Variants in PPP1R12B observed in about 807,000 individuals in gnomAD.
PPP1R12B encodes myosin phosphatase target subunit 2.
PPP1R12B carries 76 observed loss-of-function variants against 126.1 expected under a neutral mutation model. That is an observed-to-expected ratio of 0.60 (90% CI 0.50 to 0.73). PPP1R12B has a LOEUF of 0.73. Ranked by LOEUF, PPP1R12B falls within the 30% of genes least tolerant of loss-of-function variation. PPP1R12B has a pLI of 0.00. For missense variants in PPP1R12B, 1,052 were observed against 1,205.1 expected (o/e 0.87, Z 1.88); for synonymous variants, 356 against 434.7 (o/e 0.82, Z 2.25).
intron 1 of PPP1R12B, among the ~76,000 whole-genome samples, chr1:202,352,264 A>G (rs989959689): frequency 1.3e-5 from 2 of 152,038 alleles, no homozygotes; most frequent in African/African-American, 4.8e-5. Flanking sequence ...TTTTTCTTTT[A>G]TTTATTTATT....
rs573156231 is a variant in PPP1R12B, at chr1:202,469,822, G to A, written c.1851-18711G>A. On this transcript the variant is annotated intron_variant, in intron 13 of 23. Transcript: ENST00000608999. ...ATAAATCTAATTTAGGTCTTTTAGG[G>A]AGTTCTTTCTTTCTAGATCCTTTCC... Among the ~76,000 whole-genome samples, 264 of 152,252 alleles carry A rather than the reference G, an allele frequency of 1.7e-3. 10 individuals are homozygous for A. In the South Asian group the frequency reaches 0.053, roughly 31 times the overall value.
chr1:202,579,015 T>G (rs1477016428), intron 23 of PPP1R12B, among the ~76,000 whole-genome samples: 1 of 152,234 alleles, frequency 6.6e-6, no homozygotes, highest in Non-Finnish European at 1.5e-5. Context: ...GCACTTTTCA[T>G]TTCCCCATTT....
intron 18 of PPP1R12B, among the ~76,000 whole-genome samples, chr1:202,531,664 G>A (rs1683961597): frequency 6.6e-6 from 1 of 152,132 alleles, no homozygotes; most frequent in African/African-American, 2.4e-5. Context: ...CTTCTTAACT[G>A]GTAATACTTG....
rs373987451 is a variant in PPP1R12B at position 202,466,864 on chromosome 1, C to T, written c.1850+17693C>T. The stretch of plus-strand genomic sequence containing the variant: ...AAAGGCAAGAGAAAGTCTTTGTTCT[C>T]ACTTTTTTTTTTAGAAATCTCTGCT... On this transcript the variant is annotated intron_variant, in intron 13 of 23. Coordinates refer to ENST00000608999, the MANE Select transcript of PPP1R12B (RefSeq NM_002481.4). Among the ~76,000 whole-genome samples the T allele has an allele frequency of 6.4e-4, 97 of 152,180 alleles. No individual in the cohort carries two copies. The South Asian group carries it at 0.011, about 18-fold the overall frequency.
chr1:202,556,721 C>T lies in PPP1R12B; in HGVS notation c.2491-2156C>T, dbSNP rs148454916. On this transcript the variant is annotated intron_variant, in intron 18 of 23. Transcript: ENST00000608999. ...ACTTGTTAATTATGTTCACAGTGCT[C>T]TCCTGGTTCTGTCGTGCAACTTGTT... 2.7e-3 allele frequency among the ~76,000 whole-genome samples: 414 copies of T among 152,282 alleles called. 1 individual carries two copies. The highest frequency in any genetic ancestry group is 9.7e-3 in the African/African-American group (404 of 41,526).
rs925247524 is a variant in PPP1R12B, at chr1:202,582,476, C to T, written c.*1916C>T. 1 of 152,606 alleles carries T rather than the reference C, an allele frequency of 6.6e-6. No homozygotes were observed. The highest frequency in any genetic ancestry group is 1.5e-5 in the Non-Finnish European group (1 of 68,032). The allele number at this position is 152,606 out of a possible 1,614,324, so 9.5% of individuals were successfully genotyped here. ...GTGATATTCAGTGTTTAGAGTGGTT[C>T]ATTCCCTTAATATATACTACCTCTG... is the stretch of plus-strand genomic sequence containing the variant. On this transcript the variant is annotated 3_prime_UTR_variant, in exon 24 of 24. Coordinates refer to ENST00000608999, the MANE Select transcript of PPP1R12B (RefSeq NM_002481.4).
At chr1:202,526,029 G>A (rs919794860) in intron 18 of PPP1R12B, among the ~76,000 whole-genome samples, 7 of 152,216 alleles carry the variant, frequency 4.6e-5, no homozygotes, top group African/African-American at 1.2e-4. Flanking sequence ...ATGTTTGCTT[G>A]TGAGAATGAT....
intron 18 of PPP1R12B, 28 bp downstream of exon 18, chr1:202,496,850 T>A: frequency 6.3e-7 from 1 of 1,594,092 alleles, no homozygotes; most frequent in Non-Finnish European, 8.6e-7. Flanking sequence ...GAAGCATGTC[T>A]CTTGAGAGCA....
At chr1:202,428,089 A>G (rs1669784125) in intron 5 of PPP1R12B, among the ~76,000 whole-genome samples, 1 of 151,672 alleles carries the variant, frequency 6.6e-6, no homozygotes, top group African/African-American at 2.4e-5. Context: ...CTCTGTGTTT[A>G]AAGGATTTGG....
At chr1:202,575,228 C>T (rs2149038139) in intron 23 of PPP1R12B, 1 of 1,459,952 alleles carries the variant, frequency 6.8e-7, no homozygotes, top group Non-Finnish European at 9.2e-7. Flanking sequence ...GTGCTCATCC[C>T]CTCCATCCGA....
intron 1 of PPP1R12B, among the ~76,000 whole-genome samples, chr1:202,351,251 A>G (rs1243594137): frequency 6.6e-6 from 1 of 151,730 alleles, no homozygotes. Context: ...TTAAAAAAAA[A>G]AAAAACAGTG....
chr1:202,526,787 G>T (rs1247417946), intron 18 of PPP1R12B, among the ~76,000 whole-genome samples: 3 of 152,178 alleles, frequency 2.0e-5, no homozygotes, highest in African/African-American at 7.2e-5. Context: ...GCAACAAAAA[G>T]TTAGCTGAAG....
chr1:202,524,555 A>G (rs1189373709), intron 18 of PPP1R12B, among the ~76,000 whole-genome samples: 3 of 152,140 alleles, frequency 2.0e-5, no homozygotes, highest in African/African-American at 7.2e-5. Flanking sequence ...AGTCCATTGT[A>G]TCACTGACAC....
chr1:202,363,279 C>T (rs547109105), intron 1 of PPP1R12B, among the ~76,000 whole-genome samples: 15 of 152,336 alleles, frequency 9.8e-5, no homozygotes, highest in African/African-American at 3.1e-4. Context: ...AGGCATCCCA[C>T]AGTTACTGAC....
intron 12 of PPP1R12B, among the ~76,000 whole-genome samples, chr1:202,446,213 A>ACTCTCTCTCTCTCTCTCT (rs3077313): frequency 4.5e-4 from 29 of 64,502 alleles, no homozygotes; most frequent in Non-Finnish European, 6.5e-4. Context: ...ATATTATATT[A>ACTCTCTCTCTCTCTCTCT]CTCTCTCTCT....
chr1:202,470,238 C>A (rs931961955), intron 13 of PPP1R12B, among the ~76,000 whole-genome samples: 1 of 152,202 alleles, frequency 6.6e-6, no homozygotes, highest in African/African-American at 2.4e-5. Context: ...CTCTCTGCCC[C>A]CTATGGCGGA....
chr1:202,506,962 T>A (rs1680883505), intron 18 of PPP1R12B, among the ~76,000 whole-genome samples: 1 of 152,204 alleles, frequency 6.6e-6, no homozygotes, highest in African/African-American at 2.4e-5. Flanking sequence ...TATCCTAAAA[T>A]GCCCCATATC....
At chr1:202,455,205 TAGAGAG>T (rs138316173) in intron 13 of PPP1R12B, among the ~76,000 whole-genome samples, 16 of 150,974 alleles carry the variant, frequency 1.1e-4, no homozygotes, top group South Asian at 2.1e-4. Context: ...TATATATATA[TAGAGAG>T]AGAGAGAGAG....
At chr1:202,455,090 G>A (rs1012532900) in intron 13 of PPP1R12B, among the ~76,000 whole-genome samples, 1 of 152,078 alleles carries the variant, frequency 6.6e-6, no homozygotes, top group African/African-American at 2.4e-5. Context: ...AGGTGGAAAG[G>A]TACTTGATCT....
Sources: allele counts gnomAD v4.1 joint callset (sites outside exome capture counted in the v4.1 genomes callset), GRCh38; gene constraint gnomAD v4.1.1; transcripts MANE v1.5; gene names NCBI Gene and HGNC (gene_info 2026-07-23, HGNC 2026-07-21).